Variants in DNAH10 observed in about 807,000 individuals in gnomAD.
DNAH10 encodes the protein axonemal beta dynein heavy chain 10.
A neutral mutation model predicts 506.6 loss-of-function variants in DNAH10; 348 were observed. That is an observed-to-expected ratio of 0.69 (90% CI 0.63 to 0.75). DNAH10 has a LOEUF of 0.75. DNAH10 is among the 30% of genes least tolerant of loss of function. The pLI, the probability that DNAH10 is intolerant of heterozygous loss-of-function variation, is 0.00. For missense variants in DNAH10, 5,179 were observed against 5,787.1 expected (o/e 0.89, Z 3.41); for synonymous variants, 2,059 against 2,198.6 (o/e 0.94, Z 1.78).
intron 1 of DNAH10, among the ~76,000 whole-genome samples, chr12:123,765,421 C>CCCCA (rs1246300882): frequency 5.3e-5 from 8 of 152,170 alleles, no homozygotes; most frequent in Admixed American, 5.2e-4. Flanking sequence ...CCCAGTCCTG[C>CCCCA]TCTTATTCCT....
chr12:123,928,382 C>A lies in DNAH10; in HGVS notation c.12106-5C>A. The stretch of plus-strand genomic sequence containing the variant: ...CCCTCTCCTCTTCCCTCTCCCCCGG[C>A]GCAGGTGGCCCTGCAGCTGCTGGAG... On this transcript the variant is annotated splice_polypyrimidine_tract_variant and splice_region_variant and intron_variant, in intron 69 of 78. Coordinates refer to ENST00000673944, the MANE Select transcript of DNAH10 (RefSeq NM_001372106.1). This position sits in a 1 kb window ranked among gnomAD's most constrained non-coding sequence, Gnocchi z 4.9. 2 of 1,585,674 alleles carry A rather than the reference C, an allele frequency of 1.3e-6. No homozygotes were observed.
chr12:123,762,544 G>C lies in DNAH10; in HGVS notation c.208G>C (p.Glu70Gln), dbSNP rs889738912. 5.1e-6 allele frequency: 8 copies of C among 1,556,040 alleles called. No individual in the cohort carries two copies. The highest frequency in any genetic ancestry group is 1.4e-5 in the African/African-American group (1 of 72,914). The stretch of plus-strand genomic sequence containing the variant: ...TATGGTGCCGGAGGAGGTGGAGGTG[G>C]AGATTGGTGAGCCTCGACGCGCCGC... Reference protein sequence around the residue: ...RTMVPEEVEVEIDEIPVLSEE... With the variant: ...RTMVPEEVEVQIDEIPVLSEE... Residue 70 changes from glutamate (E) to glutamine (Q), a missense_variant, in exon 1 of 79, where the codon GAG (glutamate) becomes CAG (glutamine). Glu to Gln is a conservative substitution (Grantham distance 29). This residue lies in a region of DNAH10 where 326 missense variants were observed against 330.8 expected (regional missense o/e 0.99). Coordinates refer to ENST00000673944, the MANE Select transcript of DNAH10 (RefSeq NM_001372106.1). The surrounding 1 kb of genome is among the most constrained non-coding windows in gnomAD (Gnocchi z 5.0).
rs574981571 is a variant in DNAH10 at position 123,859,372 on chromosome 12, A to T, written c.6749+104A>T. 7 of 960,960 alleles carry T rather than the reference A, an allele frequency of 7.3e-6. No individual in the cohort carries two copies. In the East Asian group the frequency reaches 2.2e-4, roughly 30 times the overall value. 59.5% of individuals were successfully genotyped at this position (960,960 alleles called of 1,614,324 possible). A position where few individuals can be genotyped will look rare whatever the true frequency, so the allele number is the denominator to read the frequency against. ...CCACTTTGCTCTCTGATTTCCTGGG[A>T]GGGTAAATTTGTAATACACACCCCT... On this transcript the variant is annotated intron_variant, in intron 38 of 78. Coordinates refer to ENST00000673944, the MANE Select transcript of DNAH10 (RefSeq NM_001372106.1).
chr12:123,823,650 A>G (rs1389131129), intron 24 of DNAH10, among the ~76,000 whole-genome samples: 1 of 152,240 alleles, frequency 6.6e-6, no homozygotes, highest in Non-Finnish European at 1.5e-5. Context: ...GTAGGTGTCT[A>G]TATGGGATAC....
chr12:123,898,804 C>T lies in DNAH10; in HGVS notation c.9630C>T (p.Asn3210=). 1 of 1,609,446 alleles carries T rather than the reference C, an allele frequency of 6.2e-7. No individual in the cohort carries two copies. Among genetic ancestry groups the T allele is most frequent in the Non-Finnish European group, 8.5e-7 (1 of 1,177,880 alleles). ...CCTTGCTGGAGGAGATCGCCGTCAACACCGCTGTAGGTGAGTGAGGGCGGG... is the reference window on the plus strand; with the variant it reads ...CCTTGCTGGAGGAGATCGCCGTCAATACCGCTGTAGGTGAGTGAGGGCGGG... ...CEALLEEIAV[N]TAVAEEKKKL... The change falls in exon 56 of 79, where the codon AAC becomes AAT. Residue 3210 remains asparagine (N), a synonymous_variant. Transcript: ENST00000673944.
intron 21 of DNAH10, among the ~76,000 whole-genome samples, chr12:123,814,838 C>T (rs1959087787): frequency 2.6e-5 from 4 of 152,054 alleles, no homozygotes; most frequent in African/African-American, 4.8e-5. Flanking sequence ...AGGATGGTCT[C>T]GATCTCCTGA....
At chr12:123,823,390 C>T (rs1275013125) in intron 24 of DNAH10, among the ~76,000 whole-genome samples, 1 of 152,126 alleles carries the variant, frequency 6.6e-6, no homozygotes, top group Non-Finnish European at 1.5e-5. Flanking sequence ...TTTAGGAGGT[C>T]ACTGCCCCAG....
chr12:123,849,274 T>C (rs1295417479), intron 34 of DNAH10, among the ~76,000 whole-genome samples: 1 of 152,224 alleles, frequency 6.6e-6, no homozygotes, highest in Non-Finnish European at 1.5e-5. Context: ...AAATTTTGCC[T>C]TCATACCTTG....
chr12:123,861,202 GGTTA>G, intron 39 of DNAH10, 32 bp downstream of exon 39: 4 of 1,608,126 alleles, frequency 2.5e-6, no homozygotes, highest in South Asian at 1.1e-5. Context: ...AAAGAGCCTG[GGTTA>G]GTTAATGTTA....
intron 35 of DNAH10, among the ~76,000 whole-genome samples, chr12:123,852,469 T>C (rs1951212696): frequency 6.6e-6 from 1 of 152,202 alleles, no homozygotes. Context: ...AGATCTCTTG[T>C]TCCTAGTTTT....
intron 21 of DNAH10, among the ~76,000 whole-genome samples, chr12:123,817,540 TA>T (rs1959170267): frequency 6.6e-6 from 1 of 152,200 alleles, no homozygotes; most frequent in African/African-American, 2.4e-5. Context: ...ATTTCCATTT[TA>T]AAAACAATTT....
intron 30 of DNAH10, among the ~76,000 whole-genome samples, chr12:123,842,740 A>C (rs1356269310): frequency 2.0e-5 from 3 of 152,260 alleles, no homozygotes; most frequent in African/African-American, 7.2e-5. Context: ...GCTTTGATTT[A>C]AAGCAGTTGC....
rs888811376 is a variant in DNAH10 at position 123,913,389 on chromosome 12, A to G, written c.10352+74A>G. On this transcript the variant is annotated intron_variant, in intron 60 of 78. Coordinates refer to ENST00000673944, the MANE Select transcript of DNAH10 (RefSeq NM_001372106.1). The surrounding 1 kb of genome is among the most constrained non-coding windows in gnomAD (Gnocchi z 5.1). ...ACCCACAGAGTTTCTCGCCATGTTG[A>G]TTCTTTATCTCACGTTGTGTTTTTA... The G allele has an allele frequency of 2.1e-6, 3 of 1,424,302 alleles. No homozygotes were observed. In the East Asian group the frequency reaches 7.5e-5, roughly 36 times the overall value. The allele number at this position is 1,424,302 out of a possible 1,614,324, so 88.2% of individuals were successfully genotyped here. A position where few individuals can be genotyped will look rare whatever the true frequency, so the allele number is the denominator to read the frequency against.
At chr12:123,860,750 T>G (rs1252150747) in intron 38 of DNAH10, among the ~76,000 whole-genome samples, 1 of 152,180 alleles carries the variant, frequency 6.6e-6, no homozygotes, top group Non-Finnish European at 1.5e-5. Flanking sequence ...AAAGTTAGCT[T>G]CTTGGTGCCC....
At chr12:123,792,854 T>A (rs533559137) in intron 11 of DNAH10, among the ~76,000 whole-genome samples, 2 of 152,310 alleles carry the variant, frequency 1.3e-5, no homozygotes, top group South Asian at 4.1e-4. Context: ...ATTTTCTAGA[T>A]CTCACCTCTT....
At chr12:123,838,739 CT>C in intron 29 of DNAH10, 50 bp downstream of exon 29, 1 of 1,522,126 alleles carries the variant, frequency 6.6e-7, no homozygotes, top group Non-Finnish European at 9.0e-7. Flanking sequence ...TTAGAACCGC[CT>C]TCGGTCCTCC....
rs1383690518 is a variant in DNAH10, at chr12:123,896,148, C to CACACAG, written c.9280+1426_9280+1427insCACAGA. The stretch of plus-strand genomic sequence containing the variant: ...ACACACACACACACACACACACACA[C>CACACAG]AGAGAGAGAGAGAGAGAGAGAGAGA... On this transcript the variant is annotated intron_variant, in intron 54 of 78. Coordinates refer to ENST00000673944, the MANE Select transcript of DNAH10 (RefSeq NM_001372106.1). Among the ~76,000 whole-genome samples the CACACAG allele has an allele frequency of 1.2e-3, 111 of 95,278 alleles. 1 individual carries two copies. The highest frequency in any genetic ancestry group is 9.4e-3 in the East Asian group (31 of 3,286). The allele number at this position is 95,278 out of a possible 152,430, so 62.5% of individuals were successfully genotyped here.
chr12:123,909,423 C>G lies in DNAH10; in HGVS notation c.9978C>G (p.Ser3326Arg). 6.3e-7 allele frequency: 1 copy of G among 1,599,656 alleles called. No homozygotes were observed. The highest frequency in any genetic ancestry group is 8.5e-7 in the Non-Finnish European group (1 of 1,172,070). ...TTGATTTTGATTCGATTACCCAGAG[C>G]CAAGTGAAAAACATCAAAGGTGAGT... is the stretch of plus-strand genomic sequence containing the variant. Reference protein sequence around the residue: ...MEIDFDSITQSQVKNIKGLLK... With the variant: ...MEIDFDSITQRQVKNIKGLLK... The change falls in exon 58 of 79, where the codon AGC (serine) becomes AGG (arginine). Residue 3326 changes from serine (S) to arginine (R), a missense_variant. Transcript: ENST00000673944. The surrounding 1 kb of genome is among the most constrained non-coding windows in gnomAD (Gnocchi z 5.4).
chr12:123,805,369 G>C (rs1162267781), intron 18 of DNAH10, among the ~76,000 whole-genome samples: 2 of 152,248 alleles, frequency 1.3e-5, no homozygotes, highest in African/African-American at 2.4e-5. Flanking sequence ...GAGAGTGACA[G>C]ACGTGAAGGA....
Sources: allele counts gnomAD v4.1 joint callset (sites outside exome capture counted in the v4.1 genomes callset), GRCh38; gene constraint gnomAD v4.1.1; regional missense constraint gnomAD v4.1.1; non-coding constraint Gnocchi (gnomAD v3.1); transcripts MANE v1.5; gene names NCBI Gene and HGNC (gene_info 2026-07-23, HGNC 2026-07-21).